The following ARB2A variants were observed in gnomAD, a reference collection of about 807,000 sequenced individuals.
ARB2A encodes the protein ARB2 cotranscriptional regulator A.
chr5:94,042,189 C>G, the ARB2A span, among the ~76,000 whole-genome samples: 5 of 151,636 alleles, frequency 3.3e-5, no homozygotes, highest in Admixed American at 3.3e-4. Flanking sequence ...AAAAAAAATT[C>G]TGTGTGTGAA....
At chr5:94,074,899 AGTACTTATTATT>A in the ARB2A span, 2 of 579,556 alleles carry the variant, frequency 3.5e-6, no homozygotes, top group African/African-American at 3.8e-5. Context: ...CCTATGCCAT[AGTACTTATTATT>A]GTCTGCTTTG....
At chr5:93,763,599 G>C in the ARB2A span, among the ~76,000 whole-genome samples, 35 of 152,102 alleles carry the variant, frequency 2.3e-4, no homozygotes, top group Non-Finnish European at 4.7e-4. Flanking sequence ...ATAATAATGG[G>C]AGACTTTAAC....
the ARB2A span, chr5:93,959,070 C>T: frequency 1.4e-6 from 1 of 725,306 alleles, no homozygotes; most frequent in Non-Finnish European, 2.0e-6. Context: ...TAAATGGTTA[C>T]TATAGAATTA....
the ARB2A span, among the ~76,000 whole-genome samples, chr5:93,703,996 C>T: frequency 3.3e-5 from 5 of 152,264 alleles, no homozygotes; most frequent in South Asian, 1.0e-3. Flanking sequence ...TCAGGATGAG[C>T]TCTCATGGGG....
the ARB2A span, among the ~76,000 whole-genome samples, chr5:93,781,274 C>T: frequency 6.6e-6 from 1 of 152,184 alleles, no homozygotes; most frequent in African/African-American, 2.4e-5. Context: ...ATTTGACTTT[C>T]TGTTTCTGAG....
chr5:93,828,246 T>C, the ARB2A span, among the ~76,000 whole-genome samples: 1 of 152,224 alleles, frequency 6.6e-6, no homozygotes, highest in Non-Finnish European at 1.5e-5. Flanking sequence ...CTTCCATTTG[T>C]TTGTATCCTC....
At chr5:93,837,061 A>G in the ARB2A span, among the ~76,000 whole-genome samples, 5 of 152,176 alleles carry the variant, frequency 3.3e-5, no homozygotes, top group African/African-American at 1.2e-4. Flanking sequence ...GGTTTGGTGT[A>G]CAGATTATTT....
chr5:93,951,179 T>C, the ARB2A span, among the ~76,000 whole-genome samples: 1 of 152,088 alleles, frequency 6.6e-6, no homozygotes, highest in South Asian at 2.1e-4. Flanking sequence ...ATTGGATTAT[T>C]AGATTCTTTT....
At chr5:94,058,957 G>A in the ARB2A span, among the ~76,000 whole-genome samples, 3 of 151,948 alleles carry the variant, frequency 2.0e-5, no homozygotes, top group Admixed American at 6.5e-5. Context: ...TCTCTCTCTC[G>A]CTCCCTCCCT....
chr5:93,775,519 T>G, the ARB2A span, among the ~76,000 whole-genome samples: 1 of 152,230 alleles, frequency 6.6e-6, no homozygotes. Context: ...AAATCAGTGC[T>G]ATCCTTAAAC....
chr5:93,650,433 T>C, the ARB2A span, among the ~76,000 whole-genome samples: 2 of 151,940 alleles, frequency 1.3e-5, no homozygotes, highest in Non-Finnish European at 2.9e-5. Flanking sequence ...TCAACGAACT[T>C]GAAAAATGAT....
the ARB2A span, among the ~76,000 whole-genome samples, chr5:94,094,755 C>A: frequency 6.6e-6 from 1 of 152,176 alleles, no homozygotes; most frequent in South Asian, 2.1e-4. Flanking sequence ...ACAAAAGAAA[C>A]TACCCCACTT....
the ARB2A span, among the ~76,000 whole-genome samples, chr5:93,944,487 G>A: frequency 6.6e-6 from 1 of 152,030 alleles, no homozygotes; most frequent in Admixed American, 6.6e-5. Flanking sequence ...AGAAGGATGA[G>A]GTGGGAGGAT....
the ARB2A span, among the ~76,000 whole-genome samples, chr5:93,833,461 T>C: frequency 1.3e-5 from 2 of 152,200 alleles, no homozygotes; most frequent in Non-Finnish European, 2.9e-5. Context: ...AATGAAAATA[T>C]AAATAATAGT....
chr5:93,814,984 T>G, the ARB2A span, among the ~76,000 whole-genome samples: 1 of 152,074 alleles, frequency 6.6e-6, no homozygotes, highest in Non-Finnish European at 1.5e-5. Flanking sequence ...ACTACAGGCA[T>G]GTGCCACCAT....
At chr5:93,772,414 A>T in the ARB2A span, among the ~76,000 whole-genome samples, 1 of 152,140 alleles carries the variant, frequency 6.6e-6, no homozygotes, top group Non-Finnish European at 1.5e-5. Flanking sequence ...TATGTAACTA[A>T]TCTGCACATT....
chr5:93,976,224 A>G, the ARB2A span, among the ~76,000 whole-genome samples: 1 of 152,200 alleles, frequency 6.6e-6, no homozygotes, highest in African/African-American at 2.4e-5. Context: ...AACATCCTTC[A>G]TGATAAAAAC....
chr5:93,730,588 C>T, the ARB2A span, among the ~76,000 whole-genome samples: 1 of 152,122 alleles, frequency 6.6e-6, no homozygotes, highest in Non-Finnish European at 1.5e-5. Context: ...AGAAAACAGT[C>T]ACTGTCTAAA....
At chr5:93,741,284 G>GT in the ARB2A span, 5 of 1,613,660 alleles carry the variant, frequency 3.1e-6, no homozygotes, top group East Asian at 1.1e-4. Flanking sequence ...TCGGAGGGGC[G>GT]TCGCAACCAG....
Sources: gnomAD v4.1 joint callset for allele counts (sites outside exome capture counted in the v4.1 genomes callset) on GRCh38, gnomAD v4.1.1 for gene constraint, MANE v1.5 for transcripts, NCBI Gene and HGNC (gene_info 2026-07-23, HGNC 2026-07-21) for gene names.